Variants in TEPSIN observed in about 807,000 individuals in gnomAD.
TEPSIN encodes the protein TEPSIN adaptor related protein complex 4 accessory protein.
TEPSIN carries 50 observed loss-of-function variants against 48.5 expected under a neutral mutation model. That is an observed-to-expected ratio of 1.03 (90% confidence interval 0.82 to 1.31). The LOEUF is 1.31. TEPSIN is among the 50% of genes most tolerant of loss of function. The pLI, the probability that TEPSIN is intolerant of heterozygous loss-of-function variation, is 0.00. For synonymous variants in TEPSIN, 392 were observed against 358.8 expected, an observed-to-expected ratio of 1.09 and a Z score of -1.05; for missense variants, 838 against 815.9, an observed-to-expected ratio of 1.03 and a Z score of -0.33.
In TEPSIN at chr17:81,230,296, G is replaced by A. The variant is rs1485565952; in HGVS notation, c.1233+248C>T. The A allele has an allele frequency of 1.9e-6, 1 of 512,958 alleles. No individual in the cohort carries two copies. The highest frequency in any genetic ancestry group is 2.0e-5 in the African/African-American group (1 of 49,168). The allele number at this position is 512,958 out of a possible 1,614,324, so 31.8% of individuals were successfully genotyped here. ...AACATTAAGGCAGCGGAGTCTGGGGGCTTCCAGGAATAGGTAGAGGCCAGT... is the reference window on the plus strand; with the variant it reads ...AACATTAAGGCAGCGGAGTCTGGGGACTTCCAGGAATAGGTAGAGGCCAGT... On this transcript the variant is annotated intron_variant, in intron 12 of 12. Transcript: ENST00000637944. This position sits in a 1 kb window ranked among gnomAD's most constrained non-coding sequence, Gnocchi z 4.2.
chr17:81,236,757 G>A lies in TEPSIN; in HGVS notation c.258C>T (p.Phe86=), dbSNP rs1250934343. ...LLYLCSHGSS[F]FLLILKRNSA... is the part of the protein sequence containing the mutation. ...AGTTGCGTTTGAGGATGAGCAGGAA[G>A]AAGGAGGAGCCGTGGCTGCACAGAT... Residue 86 remains phenylalanine (F), a synonymous_variant, in exon 4 of 13, where the codon TTC becomes TTT. Coordinates refer to ENST00000637944, the MANE Select transcript of TEPSIN (RefSeq NM_001363764.2). 3 of 1,574,914 alleles carry A rather than the reference G, an allele frequency of 1.9e-6. No individual in the cohort carries two copies. The highest frequency in any genetic ancestry group is 1.4e-5 in the African/African-American group (1 of 73,926).
chr17:81,233,917 C>T lies in TEPSIN; in HGVS notation c.375+64G>A. The stretch of plus-strand genomic sequence containing the variant: ...GCAAACCCCCCAGCTGACATCCTGG[C>T]CCCAATCCCACCCCTCTACAGGAGG... On this transcript the variant is annotated intron_variant, in intron 5 of 12. Coordinates refer to ENST00000637944, the MANE Select transcript of TEPSIN (RefSeq NM_001363764.2). This position sits in a 1 kb window ranked among gnomAD's most constrained non-coding sequence, Gnocchi z 5.8. 1 of 1,527,364 alleles carries T rather than the reference C, an allele frequency of 6.5e-7. No homozygotes were observed. 94.6% of individuals were successfully genotyped at this position (1,527,364 alleles called of 1,614,324 possible).
In TEPSIN at chr17:81,233,760, C is replaced by T. The variant is rs375039829; in HGVS notation, c.376-44G>A. ...GCCCTCAGTGTCCTCACACCAGGGC[C>T]TGCTGTACTCACCCTGCCACCCATA... On this transcript the variant is annotated intron_variant, in intron 5 of 12. Coordinates refer to ENST00000637944, the MANE Select transcript of TEPSIN (RefSeq NM_001363764.2). The surrounding 1 kb of genome is among the most constrained non-coding windows in gnomAD (Gnocchi z 5.8). 14 of 1,535,306 alleles carry T rather than the reference C, an allele frequency of 9.1e-6. No homozygotes were observed. The African/African-American group carries it at 1.8e-4, about 19-fold the overall frequency.
In TEPSIN at chr17:81,234,256, G is replaced by T; in HGVS notation, c.308-208C>A. On this transcript the variant is annotated intron_variant, in intron 4 of 12. Coordinates refer to ENST00000637944, the MANE Select transcript of TEPSIN (RefSeq NM_001363764.2). This position sits in a 1 kb window ranked among gnomAD's most constrained non-coding sequence, Gnocchi z 5.4. ...CTCCCCCTCACCCATGCCCCACAGA[G>T]GCGAGACTCTCTCCACAGCAACCAC... 1 of 442,482 alleles carries T rather than the reference G, an allele frequency of 2.3e-6. No homozygotes were observed. Among genetic ancestry groups the T allele is most frequent in the Non-Finnish European group, 4.0e-6 (1 of 252,158 alleles). 27.4% of individuals were successfully genotyped at this position (442,482 alleles called of 1,614,324 possible). A position where few individuals can be genotyped will look rare whatever the true frequency, so the allele number is the denominator to read the frequency against.
At position 81,230,143 on chromosome 17, in the gene TEPSIN, A is replaced by C; in HGVS notation, c.1233+401T>G. ...AGAGTGTTCAAGTGCACAGAGATGA[A>C]TGGAACCATTTCTGCCCTCCGGAGC... On this transcript the variant is annotated intron_variant, in intron 12 of 12. Transcript: ENST00000637944. The surrounding 1 kb of genome is among the most constrained non-coding windows in gnomAD (Gnocchi z 4.2). The C allele has an allele frequency of 4.9e-6, 1 of 204,428 alleles. No individual in the cohort carries two copies. 12.7% of individuals were successfully genotyped at this position (204,428 alleles called of 1,614,324 possible).
chr17:81,236,900 C>G (rs1218944505), intron 3 of TEPSIN, 80 bp downstream of exon 3: 1 of 1,532,986 alleles, frequency 6.5e-7, no homozygotes, highest in African/African-American at 1.4e-5. Flanking sequence ...GCCTGCCACC[C>G]TGGGCCGCTC....
Position 81,239,027 on chromosome 17 carries a change from C to T in TEPSIN, c.7G>A (p.Ala3Thr), listed in dbSNP as rs552201239. Residue 3 changes from alanine (A) to threonine (T), a missense_variant, in exon 1 of 13, where the codon GCC becomes ACC. Coordinates refer to ENST00000637944, the MANE Select transcript of TEPSIN (RefSeq NM_001363764.2). The stretch of plus-strand genomic sequence containing the variant: ...AGGCGGTCCCGTAGCGGCGGCGCGG[C>T]AGCCATGATCCAGGTCCCCTCCCGG... MA[A>T]APPLRDRLSF... 9.4e-6 allele frequency: 14 copies of T among 1,492,386 alleles called. No homozygotes were observed. The African/African-American group carries it at 1.9e-4, about 20-fold the overall frequency. The allele number at this position is 1,492,386 out of a possible 1,614,324, so 92.4% of individuals were successfully genotyped here.
chr17:81,229,401 C>G lies in TEPSIN; in HGVS notation c.1309G>C (p.Ala437Pro), dbSNP rs1241278216. ...AGGTCAGATGGGCCTGGGAGGGCGG[C>G]TGTGGGGCCAGGCTCAGCTGAGGTG... ...RGTSAEPGPTAALPGPSDLLT... is the reference protein window; with the variant it reads ...RGTSAEPGPTPALPGPSDLLT... The change falls in exon 13 of 13, where the codon GCC becomes CCC. Residue 437 changes from alanine (A) to proline (P), a missense_variant. By Grantham distance (27) the Ala-to-Pro change is conservative (BLOSUM62 -1). Transcript: ENST00000637944. 5.2e-6 allele frequency: 8 copies of G among 1,551,014 alleles called. No individual in the cohort carries two copies. Among genetic ancestry groups the G allele is most frequent in the Non-Finnish European group, 7.0e-6 (8 of 1,147,696 alleles).
Position 81,232,334 on chromosome 17 carries a change from C to A in TEPSIN, c.711G>T (p.Gly237=), listed in dbSNP as rs770371629. ...CGATACCTCGGGGACCTGGAATGGCCCCGGGGAGTAGGTTCCCCAGGGTTG... is the reference window on the plus strand; with the variant it reads ...CGATACCTCGGGGACCTGGAATGGCACCGGGGAGTAGGTTCCCCAGGGTTG... The part of the protein sequence containing the change: ...GPPTLGNLLP[G]AIPGPRAVRH... Residue 237 remains glycine, a synonymous_variant, in exon 8 of 13, where the codon GGG becomes GGT. Coordinates refer to ENST00000637944, the MANE Select transcript of TEPSIN (RefSeq NM_001363764.2). The A allele has an allele frequency of 1.4e-5, 21 of 1,533,298 alleles. No homozygotes were observed. Among genetic ancestry groups the A allele is most frequent in the East Asian group, 9.8e-5 (4 of 40,818 alleles). The allele number at this position is 1,533,298 out of a possible 1,614,324, so 95.0% of individuals were successfully genotyped here.
In TEPSIN at chr17:81,232,499, G is replaced by A; in HGVS notation, c.546C>T (p.Phe182=). 3.3e-6 allele frequency: 5 copies of A among 1,532,370 alleles called. No homozygotes were observed. The highest frequency in any genetic ancestry group is 4.4e-6 in the Non-Finnish European group (5 of 1,145,130). The allele number at this position is 1,532,370 out of a possible 1,614,324, so 94.9% of individuals were successfully genotyped here. ...CTGCGGCCTTCTGGATGGTGGAGAG[G>A]AAGGCTTCGCCTGCCGAGCCTGTAC... ...HGRTGSAGEA[F]LSTIQKAAEV... The change falls in exon 8 of 13, where the codon TTC becomes TTT. Residue 182 remains phenylalanine, a synonymous_variant. Transcript: ENST00000637944.
rs556711388 is a variant in TEPSIN, at chr17:81,238,412, A to G, written c.48+574T>C. On this transcript the variant is annotated intron_variant, in intron 1 of 12. Transcript: ENST00000637944. ...CCCAGCCCCCTCTGAGGTCCAGCCC[A>G]GGAAAGCTCAGGGCTGACAAAAGAG... is the stretch of plus-strand genomic sequence containing the variant. 1.8e-5 allele frequency: 5 copies of G among 274,134 alleles called. No homozygotes were observed. The South Asian group carries it at 5.5e-4, about 30-fold the overall frequency. The allele number at this position is 274,134 out of a possible 1,614,324, so 17.0% of individuals were successfully genotyped here. A position where few individuals can be genotyped will look rare whatever the true frequency, so the allele number is the denominator to read the frequency against.
chr17:81,233,719 A>C lies in TEPSIN; in HGVS notation c.376-3T>G. ...GAGAACAGGGTGCTCCCCAAGTCCT[A>C]CAGGGGGAGGCGAAGGCCCTCAGTG... On this transcript the variant is annotated splice_region_variant and splice_polypyrimidine_tract_variant and intron_variant, in intron 5 of 12. Coordinates refer to ENST00000637944, the MANE Select transcript of TEPSIN (RefSeq NM_001363764.2). This position sits in a 1 kb window ranked among gnomAD's most constrained non-coding sequence, Gnocchi z 5.8. 3.8e-6 allele frequency: 6 copies of C among 1,593,858 alleles called. No homozygotes were observed. Among genetic ancestry groups the C allele is most frequent in the Non-Finnish European group, 5.1e-6 (6 of 1,172,516 alleles).
Position 81,231,468 on chromosome 17 carries a change from A to G in TEPSIN, c.1028T>C (p.Leu343Pro). The change falls in exon 11 of 13, where the codon CTG becomes CCG. Residue 343 changes from leucine to proline, a missense_variant. Physicochemically the swap from Leu to Pro is moderately conservative, Grantham distance 98 (BLOSUM62 -3). Coordinates refer to ENST00000637944, the MANE Select transcript of TEPSIN (RefSeq NM_001363764.2). ...EAQHFIKACG[L>P]LNCEAVLQLL... ...CTGCAGCACGGCCTCACAGTTGAGCAGTCCACACCTGCACAGAGGGGACAC... is the reference window on the plus strand; with the variant it reads ...CTGCAGCACGGCCTCACAGTTGAGCGGTCCACACCTGCACAGAGGGGACAC... 6.4e-7 allele frequency: 1 copy of G among 1,569,236 alleles called. No homozygotes were observed. The highest frequency in any genetic ancestry group is 8.6e-7 in the Non-Finnish European group (1 of 1,157,026).
In TEPSIN at chr17:81,228,284, A is replaced by G. The variant is rs1013137116; in HGVS notation, c.*644T>C. ...AAAAATAAGCGGCCCAGGTTCATGT[A>G]AACAGTAGTGTTTATTCAGAAAGCA... On this transcript the variant is annotated 3_prime_UTR_variant, in exon 13 of 13. Transcript: ENST00000637944. 2 of 152,490 alleles carry G rather than the reference A, an allele frequency of 1.3e-5. No individual in the cohort carries two copies. Among genetic ancestry groups the G allele is most frequent in the Non-Finnish European group, 2.9e-5 (2 of 68,232 alleles). 9.4% of individuals were successfully genotyped at this position (152,490 alleles called of 1,614,324 possible).
At position 81,238,766 on chromosome 17, in the gene TEPSIN, C is replaced by G. The variant is rs775285758; in HGVS notation, c.48+220G>C. Reference sequence around the variant, plus strand: ...CCAGGGTCTGGCTGTGCCCATCGCCCTTGCGCTCGGCGGGTCCGGCTTGGA... The same window carrying G: ...CCAGGGTCTGGCTGTGCCCATCGCCGTTGCGCTCGGCGGGTCCGGCTTGGA... On this transcript the variant is annotated intron_variant, in intron 1 of 12. Transcript: ENST00000637944. The G allele has an allele frequency of 5.3e-5, 70 of 1,311,892 alleles. 1 individual carries two copies. The highest frequency in any genetic ancestry group is 1.7e-4 in the South Asian group (8 of 45,832). 81.3% of individuals were successfully genotyped at this position (1,311,892 alleles called of 1,614,324 possible). A position where few individuals can be genotyped will look rare whatever the true frequency, so the allele number is the denominator to read the frequency against.
chr17:81,237,371 C>T lies in TEPSIN; in HGVS notation c.121+16G>A, dbSNP rs1299292383. On this transcript the variant is annotated intron_variant, in intron 2 of 12. Transcript: ENST00000637944. ...ATCCGCTCTTTCCACTACACGGGGA[C>T]ATCAAGGAAGGATACTAGCAATCTC... The T allele has an allele frequency of 3.1e-6, 5 of 1,609,388 alleles. No individual in the cohort carries two copies. The South Asian group carries it at 4.4e-5, about 14-fold the overall frequency.
At chr17:81,236,659 C>T (rs1452334706) in intron 4 of TEPSIN, 49 bp downstream of exon 4, 4 of 1,524,246 alleles carry the variant, frequency 2.6e-6, no homozygotes, top group Non-Finnish European at 3.6e-6. Context: ...CACCCTCCCC[C>T]ATTCTCCAAA....
chr17:81,234,262 ACT>A lies in TEPSIN; in HGVS notation c.308-216_308-215del, dbSNP rs58395855. 15,328 of 429,966 alleles carry A rather than the reference ACT, an allele frequency of 0.036. 1,081 individuals are homozygous for A. Among genetic ancestry groups the A allele is most frequent in the African/African-American group, 0.21 (9,995 of 48,378 alleles). The allele number at this position is 429,966 out of a possible 1,614,324, so 26.6% of individuals were successfully genotyped here. A position where few individuals can be genotyped will look rare whatever the true frequency, so the allele number is the denominator to read the frequency against. On this transcript the variant is annotated intron_variant, in intron 4 of 12. Transcript: ENST00000637944. This position sits in a 1 kb window ranked among gnomAD's most constrained non-coding sequence, Gnocchi z 5.4. Reference sequence around the variant, plus strand: ...CTCACCCATGCCCCACAGAGGCGAGACTCTCTCCACAGCAACCACCTCGTCTC... The same window carrying A: ...CTCACCCATGCCCCACAGAGGCGAGACTCTCCACAGCAACCACCTCGTCTC...
In TEPSIN at chr17:81,231,451, C is replaced by T. The variant is rs867488328; in HGVS notation, c.1045G>A (p.Val349Met). ...AGGTGGCAGGTCAGCAGCTGCAGCACGGCCTCACAGTTGAGCAGTCCACAC... is the reference window on the plus strand; with the variant it reads ...AGGTGGCAGGTCAGCAGCTGCAGCATGGCCTCACAGTTGAGCAGTCCACAC... The part of the protein sequence containing the change: ...KACGLLNCEA[V>M]LQLLTCHLRG... Residue 349 changes from valine to methionine, a missense_variant, in exon 11 of 13, where the codon GTG becomes ATG. Val to Met is a conservative substitution (Grantham distance 21). Transcript: ENST00000637944. 1.7e-5 allele frequency: 26 copies of T among 1,568,320 alleles called. No homozygotes were observed. In the Middle Eastern group the frequency reaches 6.8e-4, roughly 41 times the overall value.
Sources: allele counts gnomAD v4.1 joint callset, GRCh38; gene constraint gnomAD v4.1.1; non-coding constraint Gnocchi (gnomAD v3.1); transcripts MANE v1.5; gene names NCBI Gene and HGNC (gene_info 2026-07-23, HGNC 2026-07-21).